The following TNFRSF11A variants were observed in gnomAD, a reference collection of about 807,000 sequenced individuals.
TNFRSF11A encodes the protein TNF receptor superfamily member 11a.
In TNFRSF11A, 32 loss-of-function variants were observed where a neutral mutation model predicts 55.7. That is an observed-to-expected ratio of 0.57 (90% CI 0.43 to 0.77). TNFRSF11A has a LOEUF of 0.77. TNFRSF11A is among the 30% of genes least tolerant of loss of function. TNFRSF11A has a pLI of 0.00. For missense variants in TNFRSF11A, 753 were observed against 809.8 expected, an observed-to-expected ratio of 0.93 and a Z score of 0.85; for synonymous variants, 311 against 331.0, an observed-to-expected ratio of 0.94 and a Z score of 0.65.
At chr18:62,375,902 G>C (rs1460031475) in intron 9 of TNFRSF11A, among the ~76,000 whole-genome samples, 1 of 152,226 alleles carries the variant, frequency 6.6e-6, no homozygotes, top group East Asian at 1.9e-4. Flanking sequence ...GGGAGGCTGA[G>C]GTGGGATGAT....
chr18:62,336,121 C>G (rs1199343569), intron 1 of TNFRSF11A, among the ~76,000 whole-genome samples: 1 of 152,144 alleles, frequency 6.6e-6, no homozygotes, highest in Non-Finnish European at 1.5e-5. Flanking sequence ...TTCTCAATGT[C>G]TATTGTACAG....
chr18:62,355,873 C>T (rs74938001), intron 4 of TNFRSF11A, among the ~76,000 whole-genome samples: 18,507 of 152,244 alleles, frequency 0.12, 1,611 homozygotes, highest in Non-Finnish European at 0.19. Context: ...AATTTGTTCA[C>T]ATAAATAACT....
intron 8 of TNFRSF11A, among the ~76,000 whole-genome samples, chr18:62,367,168 G>A (rs1351241745): frequency 1.3e-5 from 2 of 152,220 alleles, no homozygotes; most frequent in African/African-American, 4.8e-5. Flanking sequence ...TTTGCTTACA[G>A]GGCATTTCCA....
At chr18:62,343,320 C>T (rs1002128026) in intron 1 of TNFRSF11A, among the ~76,000 whole-genome samples, 1 of 152,240 alleles carries the variant, frequency 6.6e-6, no homozygotes, top group African/African-American at 2.4e-5. Flanking sequence ...CCTCTTTCTA[C>T]ATCGTTCGAT....
chr18:62,379,855 C>T (rs1046985060), intron 9 of TNFRSF11A, among the ~76,000 whole-genome samples: 3 of 152,194 alleles, frequency 2.0e-5, no homozygotes, highest in African/African-American at 7.2e-5. Flanking sequence ...TGGAGAGCTT[C>T]TACAACTCAG....
intron 6 of TNFRSF11A, 67 bp downstream of exon 6, chr18:62,360,116 C>T (rs1469774306): frequency 7.6e-7 from 1 of 1,324,340 alleles, no homozygotes; most frequent in Non-Finnish European, 1.1e-6. Context: ...TTAGATCCCT[C>T]CCAGATGGCA....
chr18:62,334,734 C>T (rs2046204898), intron 1 of TNFRSF11A, among the ~76,000 whole-genome samples: 1 of 152,138 alleles, frequency 6.6e-6, no homozygotes, highest in Admixed American at 6.6e-5. Context: ...CCTTAAAAGA[C>T]ACTTTCTAAG....
At chr18:62,355,298 A>G (rs1479764777) in intron 4 of TNFRSF11A, among the ~76,000 whole-genome samples, 4 of 151,204 alleles carry the variant, frequency 2.6e-5, no homozygotes, top group Admixed American at 1.3e-4. Context: ...TTTTTTTGAG[A>G]TGGAGTTTTG....
chr18:62,384,629 T>C lies in TNFRSF11A; in HGVS notation c.1568-122T>C, dbSNP rs1266031373. On this transcript the variant is annotated intron_variant, in intron 9 of 9. Transcript: ENST00000586569. The stretch of plus-strand genomic sequence containing the variant: ...CCTGGAGGGTTACAGTGTGGTTCCC[T>C]GTGGCCCCGGGCTGTGGGAATCCGG... 7 of 1,193,802 alleles carry C rather than the reference T, an allele frequency of 5.9e-6. No individual in the cohort carries two copies. The African/African-American group carries it at 7.6e-5, about 13-fold the overall frequency. 74.0% of individuals were successfully genotyped at this position (1,193,802 alleles called of 1,614,324 possible).
chr18:62,384,033 T>C (rs1281450855), intron 9 of TNFRSF11A, among the ~76,000 whole-genome samples: 1 of 149,310 alleles, frequency 6.7e-6, no homozygotes, highest in Non-Finnish European at 1.5e-5. Context: ...TTAGCTGTGC[T>C]TGTTCTGTGT....
At chr18:62,375,730 G>A (rs1370723469) in intron 9 of TNFRSF11A, among the ~76,000 whole-genome samples, 2 of 152,182 alleles carry the variant, frequency 1.3e-5, no homozygotes, top group Admixed American at 6.5e-5. Flanking sequence ...CCAGGGCACA[G>A]TGGCTCCCAC....
At chr18:62,343,616 C>T (rs1488275525) in intron 1 of TNFRSF11A, among the ~76,000 whole-genome samples, 1 of 152,084 alleles carries the variant, frequency 6.6e-6, no homozygotes, top group Non-Finnish European at 1.5e-5. Context: ...CCCCGCCCTC[C>T]GAAAGCCTTG....
rs985135288 is a variant in TNFRSF11A, at chr18:62,384,866, G to GGCT, written c.1686_1688dup (p.Ala563dup). ...AGACCTCGCAGGAGGGCGCGGCGGC[G>GGCT]GCTGCGGAGCCCATGGGCCGCCCGG... On this transcript the variant is annotated inframe_insertion, in exon 10 of 10. Coordinates refer to ENST00000586569, the MANE Select transcript of TNFRSF11A (RefSeq NM_003839.4). 1 of 1,601,614 alleles carries GGCT rather than the reference G, an allele frequency of 6.2e-7. No individual in the cohort carries two copies.
intron 9 of TNFRSF11A, among the ~76,000 whole-genome samples, chr18:62,381,931 C>T (rs750254415): frequency 5.9e-5 from 9 of 152,034 alleles, no homozygotes; most frequent in Non-Finnish European, 1.2e-4. Flanking sequence ...GTTGCTGCTA[C>T]GGTAGAAGCC....
chr18:62,366,576 GT>G (rs1451453884), intron 7 of TNFRSF11A, 131 bp from the exon 8 acceptor site: 2 of 992,938 alleles, frequency 2.0e-6, no homozygotes, highest in Admixed American at 3.5e-5. Flanking sequence ...CTTCACTATA[GT>G]AACCATTTTA....
intron 9 of TNFRSF11A, among the ~76,000 whole-genome samples, chr18:62,370,615 T>G (rs1486935148): frequency 1.3e-5 from 2 of 152,204 alleles, no homozygotes; most frequent in Non-Finnish European, 2.9e-5. Context: ...GTGGTTTTGC[T>G]GCAGCTACAT....
chr18:62,377,589 T>C (rs1568495224), intron 9 of TNFRSF11A, among the ~76,000 whole-genome samples: 1 of 152,204 alleles, frequency 6.6e-6, no homozygotes. Context: ...GCCATTCTAA[T>C]AGGTGTGTAG....
chr18:62,366,612 G>T (rs371915793), intron 7 of TNFRSF11A, 96 bp from the exon 8 acceptor site: 6 of 1,293,408 alleles, frequency 4.6e-6, no homozygotes, highest in Non-Finnish European at 6.8e-6. Flanking sequence ...CCTATAACAT[G>T]TTGTATACCT....
intron 7 of TNFRSF11A, among the ~76,000 whole-genome samples, chr18:62,365,886 C>T (rs1308254403): frequency 1.3e-5 from 2 of 152,058 alleles, no homozygotes; most frequent in African/African-American, 2.4e-5. Context: ...GGCACAATCT[C>T]AGCTCACTGC....
Sources: allele counts gnomAD v4.1 joint callset (sites outside exome capture counted in the v4.1 genomes callset), GRCh38; gene constraint gnomAD v4.1.1; transcripts MANE v1.5; gene names NCBI Gene and HGNC (gene_info 2026-07-23, HGNC 2026-07-21).